Variants in KLRC1 observed in about 807,000 individuals in gnomAD.
KLRC1 encodes the protein NKG2-A/NKG2-B type II integral membrane protein.
In KLRC1, 22 loss-of-function variants were observed where a neutral mutation model predicts 25.9. The ratio of observed to expected loss-of-function variants is 0.85; its 90% CI spans 0.61 to 1.21. KLRC1 has a LOEUF of 1.21. Ranked by LOEUF, KLRC1 falls within the 50% of genes most tolerant of loss-of-function variation. The probability of loss-of-function intolerance (pLI) is 0.00; values close to 1 mark genes in which losing one functional copy is unlikely to be tolerated. For missense variants in KLRC1, 240 were observed against 272.2 expected (o/e 0.88, Z 0.83); for synonymous variants, 77 against 93.1 (o/e 0.83, Z 0.99).
chr12:10,449,181 T>C (rs1591614865), intron 5 of KLRC1, 56 bp downstream of exon 5: 1 of 1,606,326 alleles, frequency 6.2e-7, no homozygotes, highest in African/African-American at 1.3e-5. Context: ...TTTCTACAAA[T>C]ATATTATCGA....
In KLRC1 at chr12:10,450,509, A is replaced by C; in HGVS notation, c.258T>G (p.Ser86=). The change falls in exon 3 of 7, where the codon TCT becomes TCG. Residue 86 remains serine (S), a synonymous_variant. Transcript: ENST00000359151. ...AGGGAATAACAACTATCGTTACCAC[A>C]GAGGCCATTAAGATAAGACAGATAA... is the stretch of plus-strand genomic sequence containing the variant. ...LGIICLILMA[S]VVTIVVIPST... is the part of the protein sequence containing the mutation. 6.2e-7 allele frequency: 1 copy of C among 1,606,502 alleles called. No homozygotes were observed. Among genetic ancestry groups the C allele is most frequent in the Admixed American group, 1.7e-5 (1 of 59,958 alleles).
At position 10,446,525 on chromosome 12, in the gene KLRC1, G is replaced by A. The variant is rs755664903; in HGVS notation, c.*26C>T. Reference sequence around the variant, plus strand: ...TTAAGAAATATACAATTTATCTGATGCACTGCAAATGCAAACGCTTTACCT... The same window carrying A: ...TTAAGAAATATACAATTTATCTGATACACTGCAAATGCAAACGCTTTACCT... On this transcript the variant is annotated 3_prime_UTR_variant, in exon 7 of 7. Transcript: ENST00000359151. 2.5e-6 allele frequency: 4 copies of A among 1,583,070 alleles called. No homozygotes were observed. The highest frequency in any genetic ancestry group is 3.4e-6 in the Non-Finnish European group (4 of 1,159,432).
At chr12:10,448,069 C>G (rs4415856) in intron 5 of KLRC1, among the ~76,000 whole-genome samples, 1 of 151,910 alleles carries the variant, frequency 6.6e-6, no homozygotes, top group Non-Finnish European at 1.5e-5. Flanking sequence ...TAAGCCCTCA[C>G]TTTTTTATCT....
At position 10,451,008 on chromosome 12, in the gene KLRC1, T is replaced by C; in HGVS notation, c.149A>G (p.Gln50Arg). The C allele has an allele frequency of 6.2e-7, 1 of 1,613,604 alleles. No individual in the cohort carries two copies. The highest frequency in any genetic ancestry group is 8.5e-7 in the Non-Finnish European group (1 of 1,179,768). The change falls in exon 2 of 7, where the codon CAG becomes CGG. Residue 50 changes from glutamine to arginine, a missense_variant. Coordinates refer to ENST00000359151, the MANE Select transcript of KLRC1 (RefSeq NM_002259.5). ...YAELNLQKAS[Q>R]DFQGNDKTYH... ...GGTTTTGTCATTCCCTTGAAAATCC[T>C]GAGAAGCTTTTTGAAGGTTTAATTC...
intron 2 of KLRC1, 45 bp downstream of exon 2, chr12:10,450,925 T>C (rs1864110809): frequency 2.1e-6 from 3 of 1,404,724 alleles, no homozygotes; most frequent in African/African-American, 1.4e-5. Flanking sequence ...TACCCCAAGC[T>C]GCACATCCTA....
At chr12:10,452,515 T>C (rs2734438) in intron 1 of KLRC1, among the ~76,000 whole-genome samples, 1 of 152,292 alleles carries the variant, frequency 6.6e-6, no homozygotes, top group South Asian at 2.1e-4. Context: ...TGTAAAACAT[T>C]TACCACTCAA....
At chr12:10,454,332 C>A (rs1275010046), upstream of KLRC1, 1 of 152,246 alleles carries the variant, frequency 6.6e-6, no homozygotes, top group East Asian at 1.9e-4. Context: ...GCAGACTTAC[C>A]AACAGTGATT....
Position 10,447,883 on chromosome 12 carries a change from G to A in KLRC1, c.490-251C>T, listed in dbSNP as rs190909517. 4.5e-3 allele frequency among the ~76,000 whole-genome samples: 679 copies of A among 152,242 alleles called. 8 individuals carry two copies. The highest frequency in any genetic ancestry group is 0.012 in the African/African-American group (505 of 41,550). ...ATAAACACAGTAAGGATTTAAATAA[G>A]TCTCCTGATACTGTGCATTCATTCC... is the stretch of plus-strand genomic sequence containing the variant. On this transcript the variant is annotated intron_variant, in intron 5 of 6. Coordinates refer to ENST00000359151, the MANE Select transcript of KLRC1 (RefSeq NM_002259.5).
chr12:10,446,780 A>G, intron 6 of KLRC1, 118 bp from the exon 7 acceptor site: 2 of 1,241,952 alleles, frequency 1.6e-6, no homozygotes, highest in Non-Finnish European at 2.3e-6. Context: ...TAAATTTTTC[A>G]TAATATTAGT....
At chr12:10,450,387 C>G in intron 3 of KLRC1, 97 bp downstream of exon 3, 1 of 691,342 alleles carries the variant, frequency 1.4e-6, no homozygotes. Context: ...ATATACATTA[C>G]AATGAGAACT....
At chr12:10,447,834 A>G (rs1380661826) in intron 5 of KLRC1, among the ~76,000 whole-genome samples, 5 of 152,206 alleles carry the variant, frequency 3.3e-5, no homozygotes, top group African/African-American at 1.2e-4. Flanking sequence ...TTCTTGCATT[A>G]TAATAGTTAC....
At chr12:10,453,525 G>T (rs932963271), upstream of KLRC1, 1 of 255,364 alleles carries the variant, frequency 3.9e-6, no homozygotes, top group South Asian at 1.5e-4. Flanking sequence ...CTTTGAAAGT[G>T]TGTCATTTAG....
intron 1 of KLRC1, among the ~76,000 whole-genome samples, chr12:10,452,269 T>G (rs993647493): frequency 2.6e-5 from 4 of 152,136 alleles, no homozygotes; most frequent in Non-Finnish European, 4.4e-5. Flanking sequence ...TCATTTAAAC[T>G]TATAGAATGA....
intron 3 of KLRC1, 70 bp downstream of exon 3, chr12:10,450,414 T>G: frequency 1.2e-6 from 1 of 812,492 alleles, no homozygotes; most frequent in South Asian, 1.6e-5. Flanking sequence ...CCTGAAAATA[T>G]GAAATGTTTA....
upstream of KLRC1, among the ~76,000 whole-genome samples, chr12:10,453,852 T>C (rs1265429305): frequency 2.0e-5 from 3 of 152,172 alleles, no homozygotes; most frequent in African/African-American, 7.2e-5. Context: ...TTAACTTCTC[T>C]TAGTTCTTAA....
At chr12:10,443,751 A>G (rs1863940745), downstream of KLRC1, among the ~76,000 whole-genome samples, 3 of 140,848 alleles carry the variant, frequency 2.1e-5, 1 homozygote, top group Admixed American at 1.4e-4. Context: ...TAAGCATATT[A>G]GTAAAAAATA....
In KLRC1 at chr12:10,450,465, T is replaced by A; in HGVS notation, c.283+19A>T. On this transcript the variant is annotated intron_variant, in intron 3 of 6. Coordinates refer to ENST00000359151, the MANE Select transcript of KLRC1 (RefSeq NM_002259.5). ...ATTAACGTGAAAATTCCCCTTGTAA[T>A]CTTCGAAAATAGACTTACAGGGAAT... The A allele has an allele frequency of 7.2e-7, 1 of 1,387,096 alleles. No individual in the cohort carries two copies. The highest frequency in any genetic ancestry group is 1.0e-6 in the Non-Finnish European group (1 of 980,230). The allele number at this position is 1,387,096 out of a possible 1,614,324, so 85.9% of individuals were successfully genotyped here.
At position 10,446,104 on chromosome 12, in the gene KLRC1, AAT is replaced by A. The variant is rs1863978719; in HGVS notation, c.*445_*446del. On this transcript the variant is annotated 3_prime_UTR_variant, in exon 7 of 7. Coordinates refer to ENST00000359151, the MANE Select transcript of KLRC1 (RefSeq NM_002259.5). ...ATTTCATGCACTTAAAATGATTAAA[AAT>A]CAATGATGTTTAGTATATTCGCAGA... The A allele has an allele frequency of 1.1e-5, 1 of 87,348 alleles. No individual in the cohort carries two copies. Among genetic ancestry groups the A allele is most frequent in the Admixed American group, 8.9e-5 (1 of 11,196 alleles). The allele number at this position is 87,348 out of a possible 1,614,324, so 5.4% of individuals were successfully genotyped here.
At chr12:10,444,675 C>G (rs1454222969), downstream of KLRC1, among the ~76,000 whole-genome samples, 1 of 152,070 alleles carries the variant, frequency 6.6e-6, no homozygotes, top group Non-Finnish European at 1.5e-5. Context: ...TAGACATAAA[C>G]TTTCCTAGAA....
Sources: allele counts gnomAD v4.1 joint callset (sites outside exome capture counted in the v4.1 genomes callset), GRCh38; gene constraint gnomAD v4.1.1; transcripts MANE v1.5; gene names NCBI Gene and HGNC (gene_info 2026-07-23, HGNC 2026-07-21).